The following MCTP1 variants were observed in gnomAD, a reference collection of about 807,000 sequenced individuals.
MCTP1 encodes the protein multiple C2 and transmembrane domain-containing protein 1.
In MCTP1, 69 loss-of-function variants were observed where a neutral mutation model predicts 120.6. That is an observed-to-expected ratio of 0.57 (90% CI 0.47 to 0.70). The LOEUF (loss-of-function observed/expected upper bound fraction) is 0.70, where lower values mean the gene tolerates loss of function less well. Ranked by LOEUF, MCTP1 falls within the 30% of genes least tolerant of loss-of-function variation. The pLI is 0.00. For synonymous variants in MCTP1, 529 were observed against 493.1 expected, an observed-to-expected ratio of 1.07 and a Z score of -0.96; for missense variants, 1,203 against 1,248.8, an observed-to-expected ratio of 0.96 and a Z score of 0.55.
chr5:95,253,002 A>G (rs1757522135), intron 1 of MCTP1, among the ~76,000 whole-genome samples: 1 of 152,154 alleles, frequency 6.6e-6, no homozygotes, highest in Admixed American at 6.6e-5. Flanking sequence ...AAACAAGATC[A>G]TTTTATATAC....
intron 19 of MCTP1, among the ~76,000 whole-genome samples, chr5:94,727,903 C>T (rs1364904899): frequency 6.6e-6 from 1 of 152,132 alleles, no homozygotes; most frequent in Non-Finnish European, 1.5e-5. Context: ...CAATGAAATT[C>T]AACAAAACAT....
chr5:94,753,594 T>C (rs1416028431), intron 19 of MCTP1, among the ~76,000 whole-genome samples: 1 of 152,232 alleles, frequency 6.6e-6, no homozygotes, highest in African/African-American at 2.4e-5. Context: ...ATAATTACAG[T>C]GATGCTATTG....
rs764692738 is a variant in MCTP1, at chr5:94,894,695, T to C, written c.1793A>G (p.Asn598Ser). Reference sequence around the variant, plus strand: ...TCGTTCCTTCTGGTCCTCCAGGGAGTTGACAGACAGGTCAGAGATGCTGAC... The same window carrying C: ...TCGTTCCTTCTGGTCCTCCAGGGAGCTGACAGACAGGTCAGAGATGCTGAC... Reference protein sequence around the residue: ...ATVSISDLSVNSLEDQKEREE... With the variant: ...ATVSISDLSVSSLEDQKEREE... The change falls in exon 11 of 23, where the codon AAC becomes AGC. Residue 598 changes from asparagine (N) to serine (S), a missense_variant. Asn to Ser is a conservative substitution (Grantham distance 46). Around this residue, in one of 2 missense-constraint regions of MCTP1, gnomAD observed 740 missense variants for 871.1 expected, o/e 0.85. Coordinates refer to ENST00000515393, the MANE Select transcript of MCTP1 (RefSeq NM_024717.7). 1.9e-6 allele frequency: 3 copies of C among 1,612,804 alleles called. No homozygotes were observed. Among genetic ancestry groups the C allele is most frequent in the Admixed American group, 1.7e-5 (1 of 59,984 alleles).
intron 1 of MCTP1, among the ~76,000 whole-genome samples, chr5:95,111,287 G>C (rs1213757391): frequency 2.0e-5 from 3 of 152,114 alleles, no homozygotes; most frequent in African/African-American, 7.2e-5. Flanking sequence ...TTTCTCCAAA[G>C]AAAACAAGTA....
intron 7 of MCTP1, among the ~76,000 whole-genome samples, chr5:94,920,331 A>G (rs1581362553): frequency 6.6e-6 from 1 of 150,590 alleles, no homozygotes; most frequent in East Asian, 2.0e-4. Flanking sequence ...TTGAGTATAA[A>G]TAACATCATA....
intron 1 of MCTP1, among the ~76,000 whole-genome samples, chr5:95,134,739 A>G (rs1319672002): frequency 6.6e-6 from 1 of 152,180 alleles, no homozygotes; most frequent in Non-Finnish European, 1.5e-5. Context: ...AAAGGAAATC[A>G]CATGGCCAAG....
intron 1 of MCTP1, among the ~76,000 whole-genome samples, chr5:95,247,152 C>A (rs1046493647): frequency 2.6e-5 from 4 of 152,138 alleles, no homozygotes; most frequent in Admixed American, 2.6e-4. Flanking sequence ...TTATTCCTTT[C>A]TTCTAGATTT....
intron 2 of MCTP1, among the ~76,000 whole-genome samples, chr5:94,968,992 C>A (rs1826200200): frequency 6.6e-6 from 1 of 152,064 alleles, no homozygotes; most frequent in Non-Finnish European, 1.5e-5. Flanking sequence ...TGTCAGGTAG[C>A]CTTAACTTTA....
At chr5:94,976,128 G>A (rs887175126) in intron 2 of MCTP1, among the ~76,000 whole-genome samples, 2 of 152,104 alleles carry the variant, frequency 1.3e-5, no homozygotes, top group Admixed American at 6.5e-5. Context: ...TCTGAAATAT[G>A]TAAAGCTTAA....
intron 17 of MCTP1, among the ~76,000 whole-genome samples, chr5:94,840,506 G>C (rs1029816428): frequency 2.6e-4 from 39 of 152,062 alleles, no homozygotes; most frequent in Admixed American, 4.6e-4. Context: ...GGCTTGATTG[G>C]GACTTTTACT....
At chr5:94,848,917 A>G (rs1793081610) in intron 17 of MCTP1, among the ~76,000 whole-genome samples, 1 of 151,910 alleles carries the variant, frequency 6.6e-6, no homozygotes, top group Non-Finnish European at 1.5e-5. Context: ...TGAAACTTAA[A>G]ATACTAACAA....
intron 1 of MCTP1, among the ~76,000 whole-genome samples, chr5:95,094,868 T>C (rs1273022405): frequency 1.3e-5 from 2 of 152,034 alleles, no homozygotes; most frequent in Non-Finnish European, 2.9e-5. Context: ...TGAATATTCC[T>C]TTATTCTTTC....
intron 1 of MCTP1, among the ~76,000 whole-genome samples, chr5:95,131,621 T>C (rs1023650375): frequency 1.3e-5 from 2 of 152,196 alleles, no homozygotes; most frequent in Non-Finnish European, 2.9e-5. Flanking sequence ...ATCGTAGTTA[T>C]ACTTCTAACA....
chr5:94,995,105 A>G (rs1333672228), intron 2 of MCTP1, among the ~76,000 whole-genome samples: 1 of 152,118 alleles, frequency 6.6e-6, no homozygotes, highest in Non-Finnish European at 1.5e-5. Flanking sequence ...TCTCCTACGA[A>G]ACTCCCCTTC....
At chr5:94,907,785 C>A (rs549915237) in intron 10 of MCTP1, among the ~76,000 whole-genome samples, 17 of 140,168 alleles carry the variant, frequency 1.2e-4, no homozygotes, top group South Asian at 2.2e-4. Context: ...TGTCATTATA[C>A]GAAAAAAAAA....
intron 18 of MCTP1, among the ~76,000 whole-genome samples, chr5:94,787,315 C>T (rs1384383365): frequency 6.6e-6 from 1 of 152,154 alleles, no homozygotes; most frequent in East Asian, 1.9e-4. Context: ...GATTGCTTTG[C>T]TCAAATTTCT....
chr5:94,895,107 G>A (rs1379289384), intron 10 of MCTP1, among the ~76,000 whole-genome samples: 3 of 152,096 alleles, frequency 2.0e-5, no homozygotes, highest in Admixed American at 1.3e-4. Flanking sequence ...AAGTGGTAAG[G>A]ACTTCCTATC....
At chr5:95,087,809 T>G (rs768511376) in intron 1 of MCTP1, among the ~76,000 whole-genome samples, 10 of 152,128 alleles carry the variant, frequency 6.6e-5, no homozygotes, top group African/African-American at 2.2e-4. Flanking sequence ...AGCTTGCCCT[T>G]CTGATTCCAT....
intron 11 of MCTP1, among the ~76,000 whole-genome samples, chr5:94,889,934 C>A (rs1341112571): frequency 6.6e-6 from 1 of 152,154 alleles, no homozygotes; most frequent in Non-Finnish European, 1.5e-5. Context: ...CTCTAGCCAG[C>A]AAACCACTCC....
Sources: gnomAD v4.1 joint callset for allele counts (sites outside exome capture counted in the v4.1 genomes callset) on GRCh38, gnomAD v4.1.1 for gene constraint, gnomAD v4.1.1 regional missense constraint, MANE v1.5 for transcripts, NCBI Gene and HGNC (gene_info 2026-07-23, HGNC 2026-07-21) for gene names.